Variants in CNBD1 observed in about 807,000 individuals in gnomAD.
CNBD1 encodes the protein cyclic nucleotide-binding domain-containing protein 1.
In CNBD1, 71 loss-of-function variants were observed where a neutral mutation model predicts 54.4. The ratio of observed to expected loss-of-function variants is 1.30; its 90% confidence interval spans 1.08 to 1.59. The LOEUF (loss-of-function observed/expected upper bound fraction) is 1.59. Among genes scored for constraint, CNBD1 ranks in the 40% most tolerant of loss-of-function variants. CNBD1 has a pLI of 0.00. For synonymous variants in CNBD1, 182 were observed against 170.7 expected (o/e 1.07, Z -0.51); for missense variants, 659 against 518.0 (o/e 1.27, Z -2.64).
chr8:87,318,302 G>A (rs1809443536), intron 8 of CNBD1, among the ~76,000 whole-genome samples: 1 of 151,954 alleles, frequency 6.6e-6, no homozygotes, highest in African/African-American at 2.4e-5. Context: ...GTTGGGTGCT[G>A]GATTAAATAT....
intron 10 of CNBD1, among the ~76,000 whole-genome samples, chr8:87,356,108 C>T (rs1054121829): frequency 1.3e-5 from 2 of 152,078 alleles, no homozygotes; most frequent in Non-Finnish European, 2.9e-5. Flanking sequence ...CTTGTTAGAC[C>T]CTGGCAAACT....
chr8:87,278,213 T>C (rs887791672), intron 6 of CNBD1, among the ~76,000 whole-genome samples: 1 of 151,572 alleles, frequency 6.6e-6, no homozygotes, highest in Non-Finnish European at 1.5e-5. Flanking sequence ...CTGATAAGTA[T>C]GCAATTAAAA....
intron 8 of CNBD1, among the ~76,000 whole-genome samples, chr8:87,348,256 C>T (rs139243379): frequency 6.6e-6 from 1 of 152,022 alleles, no homozygotes; most frequent in Non-Finnish European, 1.5e-5. Flanking sequence ...GCTATAAATG[C>T]TATCTATATT....
intron 8 of CNBD1, among the ~76,000 whole-genome samples, chr8:87,323,380 G>T (rs1046449334): frequency 7.2e-6 from 1 of 139,046 alleles, no homozygotes; most frequent in Admixed American, 7.2e-5. Context: ...CATTGAATCT[G>T]TAAATTACCT....
chr8:87,048,185 T>G (rs866778902), intron 4 of CNBD1, among the ~76,000 whole-genome samples: 10 of 152,260 alleles, frequency 6.6e-5, no homozygotes, highest in Middle Eastern at 3.4e-3. Flanking sequence ...CCAAGTCTTC[T>G]GGGTTAAATA....
At chr8:86,958,316 G>T (rs535065637) in intron 4 of CNBD1, among the ~76,000 whole-genome samples, 2 of 152,320 alleles carry the variant, frequency 1.3e-5, no homozygotes, top group South Asian at 2.1e-4. Context: ...TGTTGATTTG[G>T]CATGGAGAGT....
chr8:87,377,876 T>G (rs1036952321), intron 10 of CNBD1, among the ~76,000 whole-genome samples: 1 of 151,476 alleles, frequency 6.6e-6, no homozygotes, highest in Non-Finnish European at 1.5e-5. Context: ...CTCACTGTGG[T>G]TTCGATTTGC....
At chr8:87,031,238 G>A (rs1809783728) in intron 4 of CNBD1, among the ~76,000 whole-genome samples, 1 of 151,916 alleles carries the variant, frequency 6.6e-6, no homozygotes, top group African/African-American at 2.4e-5. Context: ...TGAAGGCAGT[G>A]TGTCTTAAAC....
intron 4 of CNBD1, among the ~76,000 whole-genome samples, chr8:87,114,764 G>T (rs113765422): frequency 1.3e-5 from 2 of 152,086 alleles, no homozygotes; most frequent in Admixed American, 1.3e-4. Flanking sequence ...TTCTGAGGGC[G>T]TTTGCATTTA....
At chr8:87,324,699 T>C (rs946553614) in intron 8 of CNBD1, among the ~76,000 whole-genome samples, 4 of 151,878 alleles carry the variant, frequency 2.6e-5, no homozygotes, top group Non-Finnish European at 4.4e-5. Context: ...TCTCTTTTTT[T>C]CTTAGTAGTC....
intron 4 of CNBD1, among the ~76,000 whole-genome samples, chr8:86,963,210 G>A (rs1257406980): frequency 6.6e-6 from 1 of 152,104 alleles, no homozygotes; most frequent in Non-Finnish European, 1.5e-5. Context: ...GAAGTTGGAG[G>A]CATAGCTGAC....
At chr8:86,873,341 T>C (rs1039415838) in intron 1 of CNBD1, among the ~76,000 whole-genome samples, 5 of 151,906 alleles carry the variant, frequency 3.3e-5, no homozygotes, top group Admixed American at 6.6e-5. Context: ...CCTCGGGTGA[T>C]CTGCCCGCCT....
chr8:87,425,504 A>G (rs890541312), intron 2 of CNBD1, among the ~76,000 whole-genome samples: 9 of 152,068 alleles, frequency 5.9e-5, no homozygotes, highest in African/African-American at 2.2e-4. Context: ...TTTGGTGTGG[A>G]TGTCCTTTCT....
At chr8:87,260,573 G>C (rs115381454) in intron 6 of CNBD1, among the ~76,000 whole-genome samples, 201 of 152,220 alleles carry the variant, frequency 1.3e-3, no homozygotes, top group African/African-American at 4.7e-3. Context: ...TCATTCCACT[G>C]TTTTTGCACA....
At chr8:87,209,287 A>G (rs1038776467) in intron 5 of CNBD1, among the ~76,000 whole-genome samples, 4 of 152,136 alleles carry the variant, frequency 2.6e-5, no homozygotes, top group Non-Finnish European at 5.9e-5. Context: ...TGAGGCCAGC[A>G]TTACCCTGAC....
At chr8:87,424,399 T>C (rs1808005742) in intron 2 of CNBD1, among the ~76,000 whole-genome samples, 1 of 152,188 alleles carries the variant, frequency 6.6e-6, no homozygotes, top group Admixed American at 6.5e-5. Context: ...TCCTGCTTTC[T>C]CTTGTGGGCA....
chr8:86,874,448 A>AT (rs1808486208), intron 1 of CNBD1, among the ~76,000 whole-genome samples: 1 of 152,148 alleles, frequency 6.6e-6, no homozygotes, highest in Non-Finnish European at 1.5e-5. Context: ...CCCACTCTTG[A>AT]TGATATTCAC....
intron 4 of CNBD1, among the ~76,000 whole-genome samples, chr8:86,960,081 GA>G (rs1391327388): frequency 6.6e-6 from 1 of 152,186 alleles, no homozygotes; most frequent in Non-Finnish European, 1.5e-5. Flanking sequence ...CAATGCACAA[GA>G]TGGGTGATTT....
rs76158113 is a variant in CNBD1 at position 87,074,474 on chromosome 8, A to T, written c.432-131519A>T. ...TTTTTGGGGATCCTGGGGCTGGAGT[A>T]TGTAAAACTCCAGGATCTCTGTGTG... On this transcript the variant is annotated intron_variant, in intron 4 of 10. Transcript: ENST00000518476. Among the ~76,000 whole-genome samples, 56 of 152,294 alleles carry T rather than the reference A, an allele frequency of 3.7e-4. No homozygotes were observed. In the East Asian group the frequency reaches 0.011, roughly 29 times the overall value.
Sources: gnomAD v4.1 joint callset for allele counts (sites outside exome capture counted in the v4.1 genomes callset) on GRCh38, gnomAD v4.1.1 for gene constraint, MANE v1.5 for transcripts, NCBI Gene and HGNC (gene_info 2026-07-23, HGNC 2026-07-21) for gene names.